Variants in TYW1 observed in about 807,000 individuals in gnomAD.
TYW1 encodes the protein S-adenosyl-L-methionine-dependent tRNA 4-demethylwyosine synthase TYW1.
A neutral mutation model predicts 96.2 loss-of-function variants in TYW1; 46 were observed. The observed-to-expected ratio is 0.48, with a 90% CI of 0.38 to 0.61. TYW1 has a LOEUF of 0.61. TYW1 is among the 20% of genes least tolerant of loss of function. The pLI, the probability that TYW1 is intolerant of heterozygous loss-of-function variation, is 0.00. For missense variants in TYW1, 684 were observed against 909.6 expected (o/e 0.75, Z 3.19); for synonymous variants, 274 against 323.0 (o/e 0.85, Z 1.63).
At chr7:67,084,513 T>G (rs1796485666) in intron 11 of TYW1, among the ~76,000 whole-genome samples, 1 of 149,660 alleles carries the variant, frequency 6.7e-6, no homozygotes, top group African/African-American at 2.5e-5. Context: ...AGTATGCTTT[T>G]TTTTCTTTCT....
intron 3 of TYW1, among the ~76,000 whole-genome samples, chr7:67,000,645 G>T (rs1793353201): frequency 6.6e-6 from 1 of 152,008 alleles, no homozygotes; most frequent in East Asian, 1.9e-4. Flanking sequence ...TTGCAATCTT[G>T]TCCAGGCTGG....
At chr7:67,023,241 C>T (rs1233040364) in intron 6 of TYW1, among the ~76,000 whole-genome samples, 14 of 151,990 alleles carry the variant, frequency 9.2e-5, no homozygotes, top group African/African-American at 3.1e-4. Context: ...GGACTACAGG[C>T]GCATGCCACC....
intron 13 of TYW1, among the ~76,000 whole-genome samples, chr7:67,145,021 C>T (rs1393103035): frequency 6.7e-6 from 1 of 149,916 alleles, no homozygotes; most frequent in Non-Finnish European, 1.5e-5. Context: ...TGAGAGAGGC[C>T]ACTTTCCCAT....
intron 8 of TYW1, among the ~76,000 whole-genome samples, chr7:67,053,620 TC>T (rs1795430870): frequency 6.6e-6 from 1 of 152,188 alleles, no homozygotes; most frequent in African/African-American, 2.4e-5. Flanking sequence ...CCTCAGGTGA[TC>T]CACCCGCCTT....
At chr7:67,048,832 G>C (rs1290072019) in intron 7 of TYW1, among the ~76,000 whole-genome samples, 1 of 152,184 alleles carries the variant, frequency 6.6e-6, no homozygotes, top group Non-Finnish European at 1.5e-5. Flanking sequence ...TTTCAGACCA[G>C]CCTGGCCAAC....
intron 15 of TYW1, among the ~76,000 whole-genome samples, chr7:67,234,855 C>A (rs1801836021): frequency 2.0e-5 from 3 of 151,886 alleles, no homozygotes; most frequent in Non-Finnish European, 2.9e-5. Context: ...TTATGAAGTG[C>A]ATTGCCTGCA....
At chr7:67,070,916 G>C (rs1796008107) in intron 10 of TYW1, among the ~76,000 whole-genome samples, 2 of 152,088 alleles carry the variant, frequency 1.3e-5, no homozygotes, top group South Asian at 4.1e-4. Flanking sequence ...CAGCTCACGA[G>C]ATCAGGAGAT....
At chr7:67,140,320 T>C (rs1296230016) in intron 13 of TYW1, among the ~76,000 whole-genome samples, 1 of 152,152 alleles carries the variant, frequency 6.6e-6, no homozygotes, top group Non-Finnish European at 1.5e-5. Flanking sequence ...CTCCTATTCT[T>C]TCCTTGAATT....
chr7:67,231,838 ATC>A (rs1801758509), intron 15 of TYW1, among the ~76,000 whole-genome samples: 2 of 139,416 alleles, frequency 1.4e-5, no homozygotes, highest in African/African-American at 5.6e-5. Flanking sequence ...CAATGAATAT[ATC>A]CTCTCTTCTA....
chr7:67,189,389 TGTGTGTTGTGTGC>T (rs1340220780), intron 14 of TYW1, among the ~76,000 whole-genome samples: 2 of 139,900 alleles, frequency 1.4e-5, no homozygotes, highest in South Asian at 2.3e-4. Context: ...TGTGTTCATG[TGTGTGTTGTGTGC>T]GTGTGTTGTG....
chr7:67,227,370 C>T (rs1260787368), intron 15 of TYW1, among the ~76,000 whole-genome samples: 19 of 152,212 alleles, frequency 1.2e-4, no homozygotes, highest in African/African-American at 1.9e-4. Flanking sequence ...GATTCTCCTG[C>T]CTCAGCCTCC....
chr7:67,210,051 T>C (rs1800947514), intron 15 of TYW1, among the ~76,000 whole-genome samples: 1 of 152,220 alleles, frequency 6.6e-6, no homozygotes, highest in South Asian at 2.1e-4. Context: ...TTAACTGAAG[T>C]CCACAGTTTA....
chr7:67,031,234 A>G (rs965150301), intron 7 of TYW1, among the ~76,000 whole-genome samples: 1 of 144,022 alleles, frequency 6.9e-6, no homozygotes, highest in Non-Finnish European at 1.5e-5. Flanking sequence ...CGGCTCAAAC[A>G]GGAGGCGTGT....
At chr7:67,145,233 C>G (rs560180520) in intron 13 of TYW1, among the ~76,000 whole-genome samples, 1 of 148,118 alleles carries the variant, frequency 6.8e-6, no homozygotes, top group South Asian at 2.2e-4. Flanking sequence ...ACTGCAAGCT[C>G]TGCCTCCCAG....
chr7:67,090,008 A>G (rs2115810494), intron 11 of TYW1, among the ~76,000 whole-genome samples: 1 of 152,288 alleles, frequency 6.6e-6, no homozygotes, highest in East Asian at 1.9e-4. Context: ...TTTGTCAGGA[A>G]CGTCCTCGGT....
chr7:67,171,989 G>T (rs1799527911), intron 13 of TYW1, among the ~76,000 whole-genome samples: 2 of 151,986 alleles, frequency 1.3e-5, no homozygotes, highest in Non-Finnish European at 2.9e-5. Flanking sequence ...TTAATAACAT[G>T]TAATTGGGTT....
chr7:67,063,771 T>A (rs1795772322), intron 9 of TYW1, among the ~76,000 whole-genome samples: 1 of 152,092 alleles, frequency 6.6e-6, no homozygotes, highest in South Asian at 2.1e-4. Flanking sequence ...GCCCAGCTAA[T>A]TTTTGTATTT....
rs192094583 is a variant in TYW1 at position 67,141,523 on chromosome 7, G to C, written c.1698+23905G>C. ...TTCCCCCGCCTTTTGGAAGTGTTCA[G>C]ACATTTTTACAGTTCGTGTTTGTCT... On this transcript the variant is annotated intron_variant, in intron 13 of 15. Coordinates refer to ENST00000359626, the MANE Select transcript of TYW1 (RefSeq NM_018264.4). Among the ~76,000 whole-genome samples the C allele has an allele frequency of 2.5e-3, 388 of 152,278 alleles. 2 individuals carry two copies. Among genetic ancestry groups the C allele is most frequent in the African/African-American group, 5.8e-3 (242 of 41,560 alleles).
At chr7:67,150,145 C>G (rs1798751720) in intron 13 of TYW1, among the ~76,000 whole-genome samples, 1 of 152,074 alleles carries the variant, frequency 6.6e-6, no homozygotes, top group Non-Finnish European at 1.5e-5. Context: ...ACCATTCCTC[C>G]TAGCGTAAAG....
Sources: gnomAD v4.1 joint callset for allele counts (sites outside exome capture counted in the v4.1 genomes callset) on GRCh38, gnomAD v4.1.1 for gene constraint, MANE v1.5 for transcripts, NCBI Gene and HGNC (gene_info 2026-07-23, HGNC 2026-07-21) for gene names.